The following CLSTN2 variants were observed in gnomAD, a reference collection of about 807,000 sequenced individuals.
The protein encoded by CLSTN2 is calsyntenin-2.
A neutral mutation model predicts 101.2 loss-of-function variants in CLSTN2; 48 were observed. The ratio of observed to expected loss-of-function variants is 0.47; its 90% confidence interval spans 0.38 to 0.60. CLSTN2 has a LOEUF of 0.60. Ranked by LOEUF, CLSTN2 falls within the 20% of genes least tolerant of loss-of-function variation. The pLI is 0.00. For synonymous variants in CLSTN2, 481 were observed against 463.6 expected (o/e 1.04, Z -0.48); for missense variants, 1,160 against 1,238.2 (o/e 0.94, Z 0.95).
rs1370257988 is a variant in CLSTN2 at position 140,571,218 on chromosome 3, C to G, written c.*4965C>G. 1 of 152,112 alleles carries G rather than the reference C, an allele frequency of 6.6e-6. No individual in the cohort carries two copies. Among genetic ancestry groups the G allele is most frequent in the Non-Finnish European group, 1.5e-5 (1 of 68,026 alleles). 9.4% of individuals were successfully genotyped at this position (152,112 alleles called of 1,614,324 possible). A position where few individuals can be genotyped will look rare whatever the true frequency, so the allele number is the denominator to read the frequency against. On this transcript the variant is annotated 3_prime_UTR_variant, in exon 17 of 17. Transcript: ENST00000458420. ...CATTTCAGCCCTACTCTTGCCATTGCTCTAAAAATGATCCTAAAGACTTGT... is the reference window on the plus strand; with the variant it reads ...CATTTCAGCCCTACTCTTGCCATTGGTCTAAAAATGATCCTAAAGACTTGT...
intron 1 of CLSTN2, among the ~76,000 whole-genome samples, chr3:140,009,777 T>C (rs1340284487): frequency 6.6e-6 from 1 of 152,244 alleles, no homozygotes; most frequent in Non-Finnish European, 1.5e-5. Context: ...AAGATTTTCA[T>C]ATGTATTTAT....
chr3:139,953,576 A>T (rs1935330396), intron 1 of CLSTN2, among the ~76,000 whole-genome samples: 1 of 152,146 alleles, frequency 6.6e-6, no homozygotes, highest in African/African-American at 2.4e-5. Flanking sequence ...GTCAGTAGTC[A>T]GAGGGAATTA....
chr3:139,943,832 G>T (rs1198752714), intron 1 of CLSTN2, among the ~76,000 whole-genome samples: 2 of 152,128 alleles, frequency 1.3e-5, no homozygotes, highest in Non-Finnish European at 2.9e-5. Flanking sequence ...CAGAGCAAAG[G>T]CCAGGACTGG....
chr3:140,161,731 C>T (rs925888329), intron 1 of CLSTN2, among the ~76,000 whole-genome samples: 5 of 152,038 alleles, frequency 3.3e-5, no homozygotes, highest in Non-Finnish European at 7.4e-5. Context: ...CCTCCCCTTA[C>T]ACTCACACTC....
In CLSTN2 at chr3:140,070,912, C is replaced by T. The variant is rs146661576; in HGVS notation, c.110-105039C>T. 5.8e-3 allele frequency among the ~76,000 whole-genome samples: 881 copies of T among 152,164 alleles called. 5 individuals are homozygous for T. Among genetic ancestry groups the T allele is most frequent in the Non-Finnish European group, 9.5e-3 (645 of 68,022 alleles). ...CAGAGACTGAATGGGTCACAAAAGT[C>T]TAAATTATTTATTATCCATCCCTTT... On this transcript the variant is annotated intron_variant, in intron 1 of 16. Coordinates refer to ENST00000458420, the MANE Select transcript of CLSTN2 (RefSeq NM_022131.3).
chr3:140,092,586 G>C (rs776097996), intron 1 of CLSTN2, among the ~76,000 whole-genome samples: 2 of 152,174 alleles, frequency 1.3e-5, no homozygotes, highest in Non-Finnish European at 2.9e-5. Flanking sequence ...AGCCACTGCG[G>C]GGTGTGCCGG....
At chr3:140,128,328 T>TAA (rs2009468834) in intron 1 of CLSTN2, among the ~76,000 whole-genome samples, 1 of 152,200 alleles carries the variant, frequency 6.6e-6, no homozygotes, top group African/African-American at 2.4e-5. Flanking sequence ...TGCTTTGTAG[T>TAA]TAATTCCATA....
chr3:140,147,704 G>A (rs553291557), intron 1 of CLSTN2, among the ~76,000 whole-genome samples: 1 of 152,246 alleles, frequency 6.6e-6, no homozygotes, highest in East Asian at 1.9e-4. Flanking sequence ...TAGATCCCGG[G>A]ATTACAGAAA....
chr3:139,957,933 C>T (rs1285084940), intron 1 of CLSTN2, among the ~76,000 whole-genome samples: 1 of 152,160 alleles, frequency 6.6e-6, no homozygotes. Context: ...GTGTCAAACT[C>T]ATCAAAGGCA....
At chr3:140,534,197 C>T (rs1213409537) in intron 9 of CLSTN2, among the ~76,000 whole-genome samples, 1 of 152,166 alleles carries the variant, frequency 6.6e-6, no homozygotes, top group African/African-American at 2.4e-5. Context: ...TAGCCAGACA[C>T]ACTCCAACCA....
chr3:140,252,232 G>T (rs150932853), intron 2 of CLSTN2, among the ~76,000 whole-genome samples: 1 of 152,232 alleles, frequency 6.6e-6, no homozygotes, highest in African/African-American at 2.4e-5. Flanking sequence ...TTAGGCTAGT[G>T]ATATGAGACC....
intron 1 of CLSTN2, among the ~76,000 whole-genome samples, chr3:140,158,580 G>T (rs1225590772): frequency 1.3e-5 from 2 of 152,144 alleles, no homozygotes; most frequent in East Asian, 1.9e-4. Context: ...CATGCTCATG[G>T]ATTGGGAGAA....
At chr3:140,336,916 C>T (rs1387988497) in intron 2 of CLSTN2, among the ~76,000 whole-genome samples, 1 of 152,114 alleles carries the variant, frequency 6.6e-6, no homozygotes, top group Non-Finnish European at 1.5e-5. Flanking sequence ...CCTTATGCTC[C>T]CATCCCGCCC....
At chr3:140,045,577 T>C (rs1392054922) in intron 1 of CLSTN2, among the ~76,000 whole-genome samples, 2 of 152,206 alleles carry the variant, frequency 1.3e-5, no homozygotes, top group Non-Finnish European at 2.9e-5. Flanking sequence ...ATGCGTTTGC[T>C]CTTGCTTCTC....
chr3:140,388,105 G>A (rs1053968882), intron 2 of CLSTN2, among the ~76,000 whole-genome samples: 10 of 152,248 alleles, frequency 6.6e-5, no homozygotes, highest in African/African-American at 2.4e-4. Flanking sequence ...TGAAATTAAA[G>A]TAATGGAGAT....
intron 8 of CLSTN2, among the ~76,000 whole-genome samples, chr3:140,484,899 G>T (rs202169940): frequency 1.3e-5 from 2 of 152,106 alleles, no homozygotes; most frequent in East Asian, 3.9e-4. Flanking sequence ...TTTGCCATGG[G>T]TTCGAACTTC....
intron 8 of CLSTN2, among the ~76,000 whole-genome samples, chr3:140,486,747 T>C (rs1412141166): frequency 6.6e-6 from 1 of 152,188 alleles, no homozygotes; most frequent in Non-Finnish European, 1.5e-5. Context: ...CAGGAATATC[T>C]AGAGAATGCT....
At position 139,935,856 on chromosome 3, in the gene CLSTN2, G is replaced by C. The variant is rs550752376; in HGVS notation, c.109+373G>C. ...TGGGGACAAGCAGGTGTCTGCTCCT[G>C]CCTGGGGGAAGGATCAGCGGCGGTG... On this transcript the variant is annotated intron_variant, in intron 1 of 16. Transcript: ENST00000458420. This position sits in a 1 kb window ranked among gnomAD's most constrained non-coding sequence, Gnocchi z 5.5. Among the ~76,000 whole-genome samples, 2 of 152,272 alleles carry C rather than the reference G, an allele frequency of 1.3e-5. No homozygotes were observed. The highest frequency in any genetic ancestry group is 3.9e-4 in the East Asian group (2 of 5,124).
intron 8 of CLSTN2, among the ~76,000 whole-genome samples, chr3:140,500,217 C>T (rs1934550310): frequency 6.6e-6 from 1 of 152,110 alleles, no homozygotes. Context: ...TTTCTTTTGT[C>T]CACTCGGTAT....
Sources: allele counts gnomAD v4.1 joint callset (sites outside exome capture counted in the v4.1 genomes callset), GRCh38; gene constraint gnomAD v4.1.1; non-coding constraint Gnocchi (gnomAD v3.1); transcripts MANE v1.5; gene names NCBI Gene and HGNC (gene_info 2026-07-23, HGNC 2026-07-21).